The following DNAH9 variants were observed in gnomAD, a reference collection of about 807,000 sequenced individuals.
DNAH9 encodes the protein dynein axonemal heavy chain 9.
A neutral mutation model predicts 471.6 loss-of-function variants in DNAH9; 345 were observed. The ratio of observed to expected loss-of-function variants is 0.73; its 90% CI spans 0.67 to 0.80. The LOEUF (loss-of-function observed/expected upper bound fraction) is 0.80, where lower values mean the gene tolerates loss of function less well. DNAH9 is among the 30% of genes least tolerant of loss of function. The probability of loss-of-function intolerance (pLI) is 0.00; values close to 1 mark genes in which losing one functional copy is unlikely to be tolerated. For missense variants in DNAH9, 5,407 were observed against 5,609.2 expected (o/e 0.96, Z 1.15); for synonymous variants, 2,093 against 2,123.6 (o/e 0.99, Z 0.40).
At chr17:11,918,963 G>A (rs959801575) in intron 61 of DNAH9, among the ~76,000 whole-genome samples, 3 of 152,146 alleles carry the variant, frequency 2.0e-5, no homozygotes, top group Non-Finnish European at 4.4e-5. Context: ...TCCAGCCTGG[G>A]TGACAAGCGA....
At chr17:11,729,075 C>T (rs2150816257) in intron 28 of DNAH9, among the ~76,000 whole-genome samples, 1 of 152,274 alleles carries the variant, frequency 6.6e-6, no homozygotes, top group East Asian at 1.9e-4. Flanking sequence ...CATCAGAGAA[C>T]CCCCAGAGAC....
At chr17:11,658,886 A>G (rs1021181349) in intron 14 of DNAH9, among the ~76,000 whole-genome samples, 1 of 151,956 alleles carries the variant, frequency 6.6e-6, no homozygotes, top group Non-Finnish European at 1.5e-5. Flanking sequence ...GTATTATAGT[A>G]TTTGCTCTGA....
intron 60 of DNAH9, among the ~76,000 whole-genome samples, chr17:11,905,289 G>A (rs1487963966): frequency 6.6e-6 from 1 of 152,088 alleles, no homozygotes; most frequent in African/African-American, 2.4e-5. Context: ...CTTGGGCAAG[G>A]CTGGTAGATA....
chr17:11,747,628 T>C lies in DNAH9; in HGVS notation c.6472T>C (p.Ser2158Pro). Residue 2158 changes from serine to proline, a missense_variant, in exon 32 of 69, where the codon TCA (serine) becomes CCA (proline). Coordinates refer to ENST00000262442, the MANE Select transcript of DNAH9 (RefSeq NM_001372.4). ...GGTGGGTGGCGCTGGTACCGGCAAG[T>C]CACAGGTGCTGAGGTCCTTGCACAA... ...FVVGGAGTGK[S>P]QVLRSLHKTY... 6.2e-7 allele frequency: 1 copy of C among 1,614,086 alleles called. No individual in the cohort carries two copies. The highest frequency in any genetic ancestry group is 8.5e-7 in the Non-Finnish European group (1 of 1,180,014).
intron 16 of DNAH9, 22 bp downstream of exon 16, chr17:11,669,282 T>C (rs762817193): frequency 1.4e-5 from 22 of 1,606,006 alleles, no homozygotes; most frequent in Middle Eastern, 3.3e-4. Context: ...GCAGCCATCC[T>C]GCCCTCCAAC....
intron 6 of DNAH9, among the ~76,000 whole-genome samples, chr17:11,627,524 C>T (rs929035660): frequency 6.6e-6 from 1 of 152,200 alleles, no homozygotes; most frequent in African/African-American, 2.4e-5. Flanking sequence ...AAACAGATTA[C>T]AACTAAGCAC....
intron 49 of DNAH9, among the ~76,000 whole-genome samples, chr17:11,838,643 C>T (rs1970927032): frequency 6.6e-6 from 1 of 152,052 alleles, no homozygotes; most frequent in Non-Finnish European, 1.5e-5. Context: ...GGTGATGTGG[C>T]AGGGGAGGCT....
chr17:11,819,019 A>T, intron 45 of DNAH9, among the ~76,000 whole-genome samples: 1 of 151,756 alleles, frequency 6.6e-6, no homozygotes, highest in East Asian at 1.9e-4. Context: ...ATTTTATTCT[A>T]TTCCATCTTT....
intron 48 of DNAH9, among the ~76,000 whole-genome samples, chr17:11,833,787 G>A (rs1970748230): frequency 6.6e-6 from 1 of 152,098 alleles, no homozygotes; most frequent in South Asian, 2.1e-4. Context: ...TGGATCAGAG[G>A]TCAGTTTTTA....
intron 27 of DNAH9, among the ~76,000 whole-genome samples, chr17:11,726,980 G>C (rs1051954429): frequency 6.7e-6 from 1 of 148,776 alleles, no homozygotes; most frequent in Non-Finnish European, 1.5e-5. Flanking sequence ...CCTGGGAGGT[G>C]GAGGTTGCAA....
intron 1 of DNAH9, among the ~76,000 whole-genome samples, chr17:11,600,751 G>A (rs1215884886): frequency 2.6e-5 from 4 of 152,090 alleles, no homozygotes; most frequent in Non-Finnish European, 4.4e-5. Context: ...CAAAGTGCTG[G>A]GATTACAGGT....
At chr17:11,637,123 A>T (rs1475078082) in intron 9 of DNAH9, among the ~76,000 whole-genome samples, 1 of 152,098 alleles carries the variant, frequency 6.6e-6, no homozygotes, top group East Asian at 1.9e-4. Context: ...TTCGAAAATA[A>T]ATGTTTACAC....
chr17:11,714,816 T>G (rs1452295083), intron 26 of DNAH9, among the ~76,000 whole-genome samples: 1 of 152,160 alleles, frequency 6.6e-6, no homozygotes, highest in Admixed American at 6.5e-5. Flanking sequence ...GAACAGCCTC[T>G]AGGAGCTGAG....
Position 11,757,786 on chromosome 17 carries a change from C to T in DNAH9, c.6995+94C>T, listed in dbSNP as rs1323876744. 27 of 1,363,014 alleles carry T rather than the reference C, an allele frequency of 2.0e-5. 1 individual carries two copies. In the South Asian group the frequency reaches 3.5e-4, roughly 18 times the overall value. 84.4% of individuals were successfully genotyped at this position (1,363,014 alleles called of 1,614,324 possible). A position where few individuals can be genotyped will look rare whatever the true frequency, so the allele number is the denominator to read the frequency against. On this transcript the variant is annotated intron_variant, in intron 35 of 68. Coordinates refer to ENST00000262442, the MANE Select transcript of DNAH9 (RefSeq NM_001372.4). Reference sequence around the variant, plus strand: ...GTCCTGCTGATGTTCTGTCCTGTCCCAAAGTCAGATGTTCCCAGAGCGATC... The same window carrying T: ...GTCCTGCTGATGTTCTGTCCTGTCCTAAAGTCAGATGTTCCCAGAGCGATC...
intron 21 of DNAH9, 21 bp downstream of exon 21, chr17:11,694,019 C>G (rs777751806): frequency 6.8e-6 from 11 of 1,608,858 alleles, no homozygotes; most frequent in Admixed American, 3.5e-5. Context: ...GCCCATTACC[C>G]CTTCTCTAAT....
Position 11,619,542 on chromosome 17 carries a change from T to C in DNAH9, c.1117-6T>C. ...GCTCAGTGATACTAATCTGTTTGTA[T>C]ACCAGGCCTCTAATTATCTCAGCCC... is the stretch of plus-strand genomic sequence containing the variant. On this transcript the variant is annotated splice_polypyrimidine_tract_variant and splice_region_variant and intron_variant, in intron 5 of 68. Coordinates refer to ENST00000262442, the MANE Select transcript of DNAH9 (RefSeq NM_001372.4). 2 of 1,576,254 alleles carry C rather than the reference T, an allele frequency of 1.3e-6. No individual in the cohort carries two copies. The highest frequency in any genetic ancestry group is 1.7e-6 in the Non-Finnish European group (2 of 1,145,540).
intron 46 of DNAH9, 35 bp from the exon 47 acceptor site, chr17:11,822,402 GC>G: frequency 6.2e-7 from 1 of 1,612,220 alleles, no homozygotes; most frequent in Non-Finnish European, 8.5e-7. Flanking sequence ...TTTCTCTGAT[GC>G]CTTCCTGGTT....
rs1423103112 is a variant in DNAH9, at chr17:11,689,855, A to T, written c.4033A>T (p.Asn1345Tyr). 6.2e-7 allele frequency: 1 copy of T among 1,611,290 alleles called. No individual in the cohort carries two copies. The highest frequency in any genetic ancestry group is 8.5e-7 in the Non-Finnish European group (1 of 1,178,498). The change falls in exon 20 of 69, where the codon AAC becomes TAC. Residue 1345 changes from asparagine (N) to tyrosine (Y), a missense_variant. Asn to Tyr is a moderately radical substitution (Grantham distance 143, BLOSUM62 -2). This residue lies in a region of DNAH9 where 4,636 missense variants were observed against 4,900.3 expected (regional missense o/e 0.95). Coordinates refer to ENST00000262442, the MANE Select transcript of DNAH9 (RefSeq NM_001372.4). ...ECKQFARHIR[N>Y]LDKEVRAWDA... ...CAAACAGTTTGCCCGGCATATCCGA[A>T]ACCTGGACAAGGAGGTCAGGGCCTG...
intron 67 of DNAH9, among the ~76,000 whole-genome samples, chr17:11,947,403 T>C (rs1265583369): frequency 6.6e-6 from 1 of 152,200 alleles, no homozygotes; most frequent in Non-Finnish European, 1.5e-5. Context: ...TTCTTAGACT[T>C]TTAATGCCCA....
Sources: allele counts gnomAD v4.1 joint callset (sites outside exome capture counted in the v4.1 genomes callset), GRCh38; gene constraint gnomAD v4.1.1; regional missense constraint gnomAD v4.1.1; transcripts MANE v1.5; gene names NCBI Gene and HGNC (gene_info 2026-07-23, HGNC 2026-07-21).